The following CELF1 variants were observed in gnomAD, a reference collection of about 807,000 sequenced individuals.
CELF1 encodes CUGBP Elav-like family member 1.
A neutral mutation model predicts 61.8 loss-of-function variants in CELF1; 10 were observed. The ratio of observed to expected loss-of-function variants is 0.16; its 90% CI spans 0.10 to 0.27. The LOEUF (loss-of-function observed/expected upper bound fraction) is 0.27. CELF1 is among the 10% of genes least tolerant of loss of function. CELF1 has a pLI of 1.00. For missense variants in CELF1, 380 were observed against 639.1 expected (o/e 0.59, Z 4.37); for synonymous variants, 236 against 225.1 (o/e 1.05, Z -0.43).
intron 1 of CELF1, among the ~76,000 whole-genome samples, chr11:47,539,739 A>T (rs2096727008): frequency 6.6e-6 from 1 of 152,232 alleles, no homozygotes; most frequent in Non-Finnish European, 1.5e-5. Context: ...CCACACCTGG[A>T]AAGTCTTTAG....
intron 3 of CELF1, among the ~76,000 whole-genome samples, chr11:47,497,807 A>C (rs1268025049): frequency 6.6e-6 from 1 of 152,250 alleles, no homozygotes; most frequent in Non-Finnish European, 1.5e-5. Context: ...GCAGTGGTCC[A>C]TGGTCCAGAT....
chr11:47,472,508 A>G, intron 14 of CELF1, 151 bp from the exon 15 acceptor site: 1 of 835,046 alleles, frequency 1.2e-6, no homozygotes, highest in East Asian at 2.5e-5. Flanking sequence ...ATACGAAATA[A>G]ATTAGGTTCT....
chr11:47,534,054 G>A (rs1177063828), intron 1 of CELF1, among the ~76,000 whole-genome samples: 1 of 110,082 alleles, frequency 9.1e-6, no homozygotes, highest in Non-Finnish European at 1.7e-5. Context: ...TGGACATAGA[G>A]TTTCACTCTT....
chr11:47,520,813 C>T (rs761639257), intron 1 of CELF1, among the ~76,000 whole-genome samples: 8 of 151,394 alleles, frequency 5.3e-5, no homozygotes, highest in Admixed American at 2.6e-4. Context: ...TCTCTTCCTG[C>T]GCTCCCCCCC....
chr11:47,480,089 CTTTT>C (rs972385893), intron 9 of CELF1, among the ~76,000 whole-genome samples: 1 of 139,152 alleles, frequency 7.2e-6, no homozygotes, highest in African/African-American at 2.7e-5. Context: ...CACGTCTACA[CTTTT>C]TTTTTTTTTT....
At chr11:47,541,229 A>T (rs1052706980) in intron 1 of CELF1, among the ~76,000 whole-genome samples, 2 of 152,230 alleles carry the variant, frequency 1.3e-5, no homozygotes, top group Non-Finnish European at 2.9e-5. Context: ...TACTCACAGT[A>T]GACTATTAGT....
intron 1 of CELF1, among the ~76,000 whole-genome samples, chr11:47,546,788 G>T (rs2096963186): frequency 6.6e-6 from 1 of 152,072 alleles, no homozygotes; most frequent in South Asian, 2.1e-4. Flanking sequence ...CGCTGTGCCA[G>T]GCACAGTGGC....
chr11:47,478,835 G>C (rs750722145), intron 10 of CELF1, 42 bp downstream of exon 10: 73 of 1,504,770 alleles, frequency 4.9e-5, no homozygotes, highest in Non-Finnish European at 3.4e-5. Flanking sequence ...TGGGTCTGCT[G>C]GCCTGGGTGC....
chr11:47,537,918 CTT>C (rs561531761), intron 1 of CELF1, among the ~76,000 whole-genome samples: 10 of 142,600 alleles, frequency 7.0e-5, no homozygotes, highest in Non-Finnish European at 6.2e-5. Flanking sequence ...TTTTTCTTTT[CTT>C]TTTTTTTTTT....
At chr11:47,534,359 A>C (rs2096576788) in intron 1 of CELF1, among the ~76,000 whole-genome samples, 1 of 151,464 alleles carries the variant, frequency 6.6e-6, no homozygotes, top group Non-Finnish European at 1.5e-5. Flanking sequence ...TCAAGATTTC[A>C]ATGTTTTCCA....
chr11:47,506,565 C>T (rs940619423), intron 1 of CELF1, among the ~76,000 whole-genome samples: 4 of 152,246 alleles, frequency 2.6e-5, no homozygotes, highest in African/African-American at 9.6e-5. Flanking sequence ...TTCCTCCCGG[C>T]TCCCTCCAAC....
chr11:47,516,366 A>T (rs2095552306), intron 1 of CELF1, among the ~76,000 whole-genome samples: 1 of 152,112 alleles, frequency 6.6e-6, no homozygotes, highest in South Asian at 2.1e-4. Context: ...AATTCCCCCG[A>T]ATTTAGTTTA....
At chr11:47,518,009 C>T (rs1343372297) in intron 1 of CELF1, among the ~76,000 whole-genome samples, 1 of 152,054 alleles carries the variant, frequency 6.6e-6, no homozygotes, top group South Asian at 2.1e-4. Flanking sequence ...GACACCGTAT[C>T]CCCTTGTCCA....
chr11:47,497,855 T>C (rs1242758319), intron 3 of CELF1, among the ~76,000 whole-genome samples: 1 of 152,128 alleles, frequency 6.6e-6, no homozygotes, highest in Admixed American at 6.5e-5. Context: ...TCTTAAAAGA[T>C]TAGAAAGCAG....
At chr11:47,516,028 C>T (rs1393251701) in intron 1 of CELF1, among the ~76,000 whole-genome samples, 2 of 148,936 alleles carry the variant, frequency 1.3e-5, no homozygotes, top group African/African-American at 4.9e-5. Flanking sequence ...CATGGTGAAA[C>T]CCTATCTCTA....
intron 12 of CELF1, among the ~76,000 whole-genome samples, chr11:47,476,052 T>C (rs1423709941): frequency 6.6e-6 from 1 of 151,086 alleles, no homozygotes; most frequent in Non-Finnish European, 1.5e-5. Flanking sequence ...TAGGTTGGAG[T>C]TCAGTGGTAC....
intron 1 of CELF1, among the ~76,000 whole-genome samples, chr11:47,546,456 G>A (rs1278112771): frequency 6.6e-6 from 1 of 151,780 alleles, no homozygotes; most frequent in Non-Finnish European, 1.5e-5. Context: ...GGCAGAGACG[G>A]GGTTTCTCAG....
At chr11:47,482,358 G>A (rs907328686) in intron 9 of CELF1, 1 of 186,598 alleles carries the variant, frequency 5.4e-6, no homozygotes, top group African/African-American at 2.3e-5. Flanking sequence ...AAAGAGATAT[G>A]GAGAAAGACA....
intron 9 of CELF1, among the ~76,000 whole-genome samples, chr11:47,481,815 C>T (rs1596319861): frequency 6.6e-6 from 1 of 152,132 alleles, no homozygotes; most frequent in African/African-American, 2.4e-5. Context: ...TTTTGGCTCA[C>T]GACAACAGAG....
Sources: gnomAD v4.1 joint callset for allele counts (sites outside exome capture counted in the v4.1 genomes callset) on GRCh38, gnomAD v4.1.1 for gene constraint, MANE v1.5 for transcripts, NCBI Gene and HGNC (gene_info 2026-07-23, HGNC 2026-07-21) for gene names.